Variants in EVC2 observed in about 807,000 individuals in gnomAD.
EVC2 encodes limbin.
Under a neutral mutation model 149.3 loss-of-function variants are expected in EVC2, and 148 were observed. The observed-to-expected ratio is 0.99, with a 90% CI of 0.87 to 1.14. EVC2 has a LOEUF of 1.14. Ranked by LOEUF, EVC2 falls within the 50% of genes most tolerant of loss-of-function variation. EVC2 has a pLI of 0.00. For missense variants in EVC2, 1,854 were observed against 1,627.3 expected (o/e 1.14, Z -2.40); for synonymous variants, 776 against 649.9 (o/e 1.19, Z -2.95).
At chr4:5,647,625 A>G (rs1290683388) in intron 9 of EVC2, among the ~76,000 whole-genome samples, 1 of 152,240 alleles carries the variant, frequency 6.6e-6, no homozygotes, top group African/African-American at 2.4e-5. Flanking sequence ...ATGTTGTACA[A>G]GCTCAGAAAA....
Position 5,686,095 on chromosome 4 carries a change from T to TACACACACACATAC in EVC2, c.707-617_707-616insGTATGTGTGTGTGT, listed in dbSNP as rs1720689488. Among the ~76,000 whole-genome samples, 1 of 13,256 alleles carries TACACACACACATAC rather than the reference T, an allele frequency of 7.5e-5. No individual in the cohort carries two copies. The highest frequency in any genetic ancestry group is 7.7e-4 in the Admixed American group (1 of 1,298). The allele number at this position is 13,256 out of a possible 152,430, so 8.7% of individuals were successfully genotyped here. ...AACATATATACACACACATATATATTACACACACACACACACACACACACA... is the reference window on the plus strand; with the variant it reads ...AACATATATACACACACATATATATTACACACACACATACACACACACACACACACACACACACA... On this transcript the variant is annotated intron_variant, in intron 5 of 21. Coordinates refer to ENST00000344408, the MANE Select transcript of EVC2 (RefSeq NM_147127.5). This position sits in a 1 kb window ranked among gnomAD's most constrained non-coding sequence, Gnocchi z 5.4.
intron 16 of EVC2, among the ~76,000 whole-genome samples, chr4:5,596,449 C>T (rs919998471): frequency 5.9e-5 from 9 of 152,156 alleles, no homozygotes; most frequent in African/African-American, 9.7e-5. Context: ...GGAAACTGAA[C>T]AACCTGCTCC....
chr4:5,580,293 T>C (rs1477833987), intron 17 of EVC2, among the ~76,000 whole-genome samples: 3 of 152,252 alleles, frequency 2.0e-5, no homozygotes, highest in Non-Finnish European at 4.4e-5. Context: ...GAGTGTATCA[T>C]ATGCATTGCC....
At chr4:5,689,087 C>T in intron 5 of EVC2, 70 bp downstream of exon 5, 1 of 1,556,404 alleles carries the variant, frequency 6.4e-7, no homozygotes, top group Non-Finnish European at 8.8e-7. Flanking sequence ...TGACCCAGAA[C>T]ACATTCACCT....
In EVC2 at chr4:5,679,928, T is replaced by A. The variant is rs1720230002; in HGVS notation, c.870+1332A>T. Among the ~76,000 whole-genome samples, 1 of 152,234 alleles carries A rather than the reference T, an allele frequency of 6.6e-6. No individual in the cohort carries two copies. The highest frequency in any genetic ancestry group is 1.5e-5 in the Non-Finnish European group (1 of 68,046). On this transcript the variant is annotated intron_variant, in intron 7 of 21. Coordinates refer to ENST00000344408, the MANE Select transcript of EVC2 (RefSeq NM_147127.5). This position sits in a 1 kb window ranked among gnomAD's most constrained non-coding sequence, Gnocchi z 5.1. ...ATAGTTCCTTTCTTTATATCCTTAC[T>A]CTGTAAGCTTTCTATATTTTTAAGG...
chr4:5,588,530 C>T (rs1022835318), intron 16 of EVC2, among the ~76,000 whole-genome samples: 1 of 152,144 alleles, frequency 6.6e-6, no homozygotes, highest in South Asian at 2.1e-4. Context: ...CAATTACCCA[C>T]ACATTAGGCC....
intron 1 of EVC2, among the ~76,000 whole-genome samples, chr4:5,699,822 G>GA (rs1394390717): frequency 6.6e-6 from 1 of 151,590 alleles, no homozygotes; most frequent in Non-Finnish European, 1.5e-5. Context: ...GACCCTCTCT[G>GA]AAAAAAATAA....
intron 9 of EVC2, among the ~76,000 whole-genome samples, chr4:5,656,159 C>G (rs1214274887): frequency 6.6e-6 from 1 of 152,204 alleles, no homozygotes; most frequent in Non-Finnish European, 1.5e-5. Context: ...CAGAGGATGT[C>G]CTGGCCTTGG....
chr4:5,686,095 TACACACACAC>T lies in EVC2; in HGVS notation c.707-626_707-617del, dbSNP rs67802779. Among the ~76,000 whole-genome samples, 9 of 13,256 alleles carry T rather than the reference TACACACACAC, an allele frequency of 6.8e-4. No homozygotes were observed. The highest frequency in any genetic ancestry group is 1.3e-3 in the South Asian group (1 of 780). 8.7% of individuals were successfully genotyped at this position (13,256 alleles called of 152,430 possible). ...AACATATATACACACACATATATAT[TACACACACAC>T]ACACACACACACACACACACACAGA... On this transcript the variant is annotated intron_variant, in intron 5 of 21. Transcript: ENST00000344408. The surrounding 1 kb of genome is among the most constrained non-coding windows in gnomAD (Gnocchi z 5.4).
chr4:5,566,385 C>T (rs540084777), intron 20 of EVC2, among the ~76,000 whole-genome samples: 370 of 152,260 alleles, frequency 2.4e-3, no homozygotes, highest in Middle Eastern at 0.01. Context: ...CAGAGAAGGG[C>T]GGTCTTCTGA....
At position 5,618,207 on chromosome 4, in the gene EVC2, C is replaced by T. The variant is rs1044324134; in HGVS notation, c.2706+271G>A. Among the ~76,000 whole-genome samples, 9 of 152,186 alleles carry T rather than the reference C, an allele frequency of 5.9e-5. No individual in the cohort carries two copies. ...GGCAGCTTCCCTCAGGAGATTGTGG[C>T]TGCGCAAGGCTGACACAGCTGCTGG... On this transcript the variant is annotated intron_variant, in intron 15 of 21. Transcript: ENST00000344408. The surrounding 1 kb of genome is among the most constrained non-coding windows in gnomAD (Gnocchi z 4.4).
In EVC2 at chr4:5,569,162, C is replaced by T. The variant is rs980446201; in HGVS notation, c.3361-522G>A. Among the ~76,000 whole-genome samples, 5 of 152,166 alleles carry T rather than the reference C, an allele frequency of 3.3e-5. No homozygotes were observed. Among genetic ancestry groups the T allele is most frequent in the African/African-American group, 4.8e-5 (2 of 41,438 alleles). On this transcript the variant is annotated intron_variant, in intron 19 of 21. Coordinates refer to ENST00000344408, the MANE Select transcript of EVC2 (RefSeq NM_147127.5). This position sits in a 1 kb window ranked among gnomAD's most constrained non-coding sequence, Gnocchi z 4.8. ...GCCAGTCTCCAAAGGTCACGTGCTG[C>T]GTGATTCCATGCATGTAACCACCTG...
intron 18 of EVC2, among the ~76,000 whole-genome samples, chr4:5,575,076 G>C (rs917374746): frequency 4.6e-5 from 7 of 152,170 alleles, no homozygotes; most frequent in Admixed American, 1.3e-4. Context: ...TGAAAACTCT[G>C]CATCAGTCCT....
chr4:5,608,273 A>G (rs1190940006), intron 16 of EVC2, among the ~76,000 whole-genome samples: 1 of 152,186 alleles, frequency 6.6e-6, no homozygotes, highest in Non-Finnish European at 1.5e-5. Flanking sequence ...CCCAACGGTG[A>G]ATTCAAAGTC....
intron 17 of EVC2, among the ~76,000 whole-genome samples, chr4:5,577,429 T>C (rs973807324): frequency 1.3e-5 from 2 of 152,148 alleles, no homozygotes; most frequent in African/African-American, 4.8e-5. Flanking sequence ...AACCCAGTAT[T>C]TACCAGATTG....
rs1024372744 is a variant in EVC2, at chr4:5,677,395, G to C, written c.870+3865C>G. On this transcript the variant is annotated intron_variant, in intron 7 of 21. Coordinates refer to ENST00000344408, the MANE Select transcript of EVC2 (RefSeq NM_147127.5). The surrounding 1 kb of genome is among the most constrained non-coding windows in gnomAD (Gnocchi z 4.3). ...ACACCTCCTCTTCCCACTCAACAGG[G>C]AGCTCCCTGAATGTGGTCCACAGCC... 2.6e-5 allele frequency among the ~76,000 whole-genome samples: 4 copies of C among 152,140 alleles called. No individual in the cohort carries two copies. Among genetic ancestry groups the C allele is most frequent in the African/African-American group, 9.7e-5 (4 of 41,434 alleles).
chr4:5,706,321 C>CATAG (rs1163864655), intron 1 of EVC2, among the ~76,000 whole-genome samples: 604 of 26,550 alleles, frequency 0.023, 280 homozygotes, highest in Middle Eastern at 0.042. Flanking sequence ...TAGATAGATA[C>CATAG]ATAGATAGAT....
chr4:5,626,036 G>T, intron 12 of EVC2, 128 bp from the exon 13 acceptor site: 1 of 1,096,764 alleles, frequency 9.1e-7, no homozygotes, highest in Non-Finnish European at 1.4e-6. Flanking sequence ...CCCTCCAGAA[G>T]AATTACAAGA....
chr4:5,602,287 C>A, intron 16 of EVC2, among the ~76,000 whole-genome samples: 1 of 124,930 alleles, frequency 8.0e-6, no homozygotes. Context: ...AAGACATTGC[C>A]TCTTAAAAAA....
Sources: gnomAD v4.1 joint callset for allele counts (sites outside exome capture counted in the v4.1 genomes callset) on GRCh38, gnomAD v4.1.1 for gene constraint, Gnocchi (gnomAD v3.1) non-coding constraint, MANE v1.5 for transcripts, NCBI Gene and HGNC (gene_info 2026-07-23, HGNC 2026-07-21) for gene names.